Variants in ZNF540 observed in about 807,000 individuals in gnomAD.
ZNF540 encodes zinc finger protein 540, also known as CTD-3064H18.6.
In ZNF540, 3 loss-of-function variants were observed where a neutral mutation model predicts 11.8. That is an observed-to-expected ratio of 0.25 (90% CI 0.12 to 0.65). The LOEUF is 0.65. Among genes scored for constraint, ZNF540 ranks in the 30% least tolerant of loss-of-function variants. ZNF540 has a pLI of 0.83. For missense variants in ZNF540, 709 were observed against 793.1 expected (o/e 0.89, Z 1.27); for synonymous variants, 247 against 259.0 (o/e 0.95, Z 0.45).
intron 1 of ZNF540, among the ~76,000 whole-genome samples, chr19:37,562,043 A>C (rs2042722728): frequency 6.6e-6 from 1 of 152,206 alleles, no homozygotes; most frequent in Admixed American, 6.5e-5. Flanking sequence ...ATATACAATC[A>C]GTGGTTTCCA....
At chr19:37,568,969 T>A (rs1440701044) in intron 1 of ZNF540, among the ~76,000 whole-genome samples, 1 of 152,070 alleles carries the variant, frequency 6.6e-6, no homozygotes, top group Non-Finnish European at 1.5e-5. Context: ...CATCTTTTTT[T>A]TTTTTGAGAT....
In ZNF540 at chr19:37,598,587, GC is replaced by G. The variant is rs904745026; in HGVS notation, c.9+136del. ...CCACATTTCCAAGCTCCTCCCATGG[GC>G]CCCCTCTCTTTTCTAACCAGTATCC... On this transcript the variant is annotated intron_variant, in intron 2 of 4. Coordinates refer to ENST00000316433, the MANE Select transcript of ZNF540 (RefSeq NM_001172225.3). The G allele has an allele frequency of 8.7e-6, 8 of 922,096 alleles. No individual in the cohort carries two copies. In the Admixed American group the frequency reaches 1.5e-4, roughly 17 times the overall value. The allele number at this position is 922,096 out of a possible 1,614,324, so 57.1% of individuals were successfully genotyped here.
intron 1 of ZNF540, among the ~76,000 whole-genome samples, chr19:37,575,149 T>TA (rs557814680): frequency 1.2e-4 from 18 of 152,232 alleles, no homozygotes; most frequent in Non-Finnish European, 2.4e-4. Flanking sequence ...CTGACTCTGC[T>TA]ACTTGAGAAA....
chr19:37,599,808 T>C, intron 3 of ZNF540, 56 bp downstream of exon 3: 1 of 1,484,464 alleles, frequency 6.7e-7, no homozygotes. Flanking sequence ...AGTAGCTTTC[T>C]CTTCCACAAA....
chr19:37,578,584 G>C (rs192001934), intron 1 of ZNF540, among the ~76,000 whole-genome samples: 35 of 152,320 alleles, frequency 2.3e-4, no homozygotes, highest in Non-Finnish European at 4.6e-4. Context: ...CGCAGTCACA[G>C]TGCTGAGGGG....
At chr19:37,563,445 G>A (rs931547190) in intron 1 of ZNF540, 2 of 151,760 alleles carry the variant, frequency 1.3e-5, no homozygotes, top group Non-Finnish European at 2.9e-5. Flanking sequence ...TTCAAATGAG[G>A]AAAAACTGTA....
chr19:37,589,604 G>A (rs944440570), intron 1 of ZNF540, among the ~76,000 whole-genome samples: 1 of 151,906 alleles, frequency 6.6e-6, no homozygotes, highest in African/African-American at 2.4e-5. Flanking sequence ...AGATCCTACT[G>A]GACTAAGTTC....
Position 37,613,216 on chromosome 19 carries a change from C to A in ZNF540, c.1936C>A (p.Gln646Lys). 6.4e-7 allele frequency: 1 copy of A among 1,556,346 alleles called. No individual in the cohort carries two copies. Among genetic ancestry groups the A allele is most frequent in the Non-Finnish European group, 8.7e-7 (1 of 1,151,832 alleles). Residue 646 changes from glutamine (Q) to lysine (K), a missense_variant, in exon 5 of 5, where the codon CAA (glutamine) becomes AAA (lysine). Coordinates refer to ENST00000316433, the MANE Select transcript of ZNF540 (RefSeq NM_001172225.3). Reference sequence around the variant, plus strand: ...TAAGGTATGTAGAAAGGCCTTTAGACAATATTCACATCTTTATCAACATCA... The same window carrying A: ...TAAGGTATGTAGAAAGGCCTTTAGAAAATATTCACATCTTTATCAACATCA... ...ECKVCRKAFR[Q>K]YSHLYQHQKT...
chr19:37,578,864 TG>T (rs763710660), intron 1 of ZNF540, among the ~76,000 whole-genome samples: 10 of 152,228 alleles, frequency 6.6e-5, no homozygotes, highest in Admixed American at 2.6e-4. Flanking sequence ...TGTGTTCCTC[TG>T]GGGCAGAACT....
rs1444698807 is a variant in ZNF540, at chr19:37,613,576, C to A, written c.*313C>A. 2.5e-6 allele frequency: 1 copy of A among 397,128 alleles called. No homozygotes were observed. Among genetic ancestry groups the A allele is most frequent in the African/African-American group, 2.1e-5 (1 of 48,512 alleles). 24.6% of individuals were successfully genotyped at this position (397,128 alleles called of 1,614,324 possible). A position where few individuals can be genotyped will look rare whatever the true frequency, so the allele number is the denominator to read the frequency against. On this transcript the variant is annotated 3_prime_UTR_variant, in exon 5 of 5. Coordinates refer to ENST00000316433, the MANE Select transcript of ZNF540 (RefSeq NM_001172225.3). ...TACCTCAGCTGTAAAATGAAACACACCTAAAAGTGTGGTTGTTTCCAACAT... is the reference window on the plus strand; with the variant it reads ...TACCTCAGCTGTAAAATGAAACACAACTAAAAGTGTGGTTGTTTCCAACAT...
intron 1 of ZNF540, among the ~76,000 whole-genome samples, chr19:37,576,462 C>T (rs1313725144): frequency 6.6e-6 from 1 of 152,160 alleles, no homozygotes; most frequent in East Asian, 1.9e-4. Flanking sequence ...TAAAACCTTA[C>T]TCTACCATAC....
At chr19:37,556,360 G>A (rs2042659618) in intron 1 of ZNF540, among the ~76,000 whole-genome samples, 2 of 152,200 alleles carry the variant, frequency 1.3e-5, no homozygotes, top group Admixed American at 6.5e-5. Flanking sequence ...CCTGACTTAG[G>A]TGCAGTTTTA....
intron 4 of ZNF540, among the ~76,000 whole-genome samples, chr19:37,602,296 A>C (rs2044045320): frequency 6.6e-6 from 1 of 152,178 alleles, no homozygotes; most frequent in East Asian, 1.9e-4. Context: ...TATATATTTA[A>C]AATGCCTACT....
intron 4 of ZNF540, chr19:37,611,253 C>T (rs773818472): frequency 1.8e-5 from 4 of 226,964 alleles, no homozygotes; most frequent in Non-Finnish European, 3.5e-5. Flanking sequence ...TCTTGAACTC[C>T]TGACCTCAGA....
At chr19:37,558,668 C>T (rs919405569) in intron 1 of ZNF540, among the ~76,000 whole-genome samples, 9 of 152,154 alleles carry the variant, frequency 5.9e-5, no homozygotes, top group African/African-American at 1.9e-4. Flanking sequence ...TATCTCCTTC[C>T]TCTCTGGAAC....
intron 1 of ZNF540, chr19:37,585,307 C>T (rs1290128500): frequency 6.6e-6 from 1 of 152,170 alleles, no homozygotes; most frequent in East Asian, 1.9e-4. Context: ...AGCTTGCTTG[C>T]TTAAATATAA....
At chr19:37,558,963 T>C (rs2042689896) in intron 1 of ZNF540, among the ~76,000 whole-genome samples, 1 of 152,078 alleles carries the variant, frequency 6.6e-6, no homozygotes, top group Non-Finnish European at 1.5e-5. Flanking sequence ...CTCCCACCTG[T>C]CTCCCAAGTA....
At position 37,599,626 on chromosome 19, in the gene ZNF540, G is replaced by A; in HGVS notation, c.10G>A (p.Ala4Thr). 6.2e-7 allele frequency: 1 copy of A among 1,613,962 alleles called. No individual in the cohort carries two copies. ...GTAATATGTTGGTTTATGGTTTCAG[G>A]CATTGGTGACGTTCAGGGATGTGGC... MAH[A>T]LVTFRDVAID... is the part of the protein sequence containing the mutation. Residue 4 changes from alanine to threonine, a missense_variant and splice_region_variant, in exon 3 of 5, where the codon GCA (alanine) becomes ACA (threonine). Physicochemically the swap from Ala to Thr is moderately conservative, Grantham distance 58. Coordinates refer to ENST00000316433, the MANE Select transcript of ZNF540 (RefSeq NM_001172225.3).
intron 1 of ZNF540, among the ~76,000 whole-genome samples, chr19:37,558,879 C>A (rs2042689160): frequency 6.6e-6 from 1 of 152,108 alleles, no homozygotes; most frequent in African/African-American, 2.4e-5. Context: ...GTGTTTCACT[C>A]TGTCACCCAG....
Sources: gnomAD v4.1 joint callset for allele counts (sites outside exome capture counted in the v4.1 genomes callset) on GRCh38, gnomAD v4.1.1 for gene constraint, MANE v1.5 for transcripts, NCBI Gene and HGNC (gene_info 2026-07-23, HGNC 2026-07-21) for gene names.